Variants in DRC8 observed in about 807,000 individuals in gnomAD.
DRC8 encodes dynein regulatory complex protein 8.
the DRC8 span, chr1:245,122,134 C>T: frequency 4.1e-6 from 1 of 243,804 alleles, no homozygotes; most frequent in South Asian, 4.4e-5. Context: ...AACTCCTGAC[C>T]TCAAGTGATC....
chr1:245,014,592 G>A, the DRC8 span, among the ~76,000 whole-genome samples: 6 of 150,694 alleles, frequency 4.0e-5, no homozygotes, highest in Non-Finnish European at 5.9e-5. Context: ...TAACATTTAC[G>A]TGAAGTAATT....
chr1:245,083,692 A>G, the DRC8 span: 1 of 1,605,268 alleles, frequency 6.2e-7, no homozygotes, highest in East Asian at 2.2e-5. Flanking sequence ...GAAGAAGGTA[A>G]GTGTGATTTA....
At chr1:244,993,353 G>C in the DRC8 span, among the ~76,000 whole-genome samples, 1 of 152,130 alleles carries the variant, frequency 6.6e-6, no homozygotes, top group African/African-American at 2.4e-5. Flanking sequence ...ACTAGAATGG[G>C]CCTTCCGTCC....
chr1:245,001,996 G>A, the DRC8 span: 1 of 695,048 alleles, frequency 1.4e-6, no homozygotes, highest in Non-Finnish European at 2.5e-6. Flanking sequence ...TGAAAGCATG[G>A]TCCTTTCTCA....
At chr1:245,026,806 T>C in the DRC8 span, among the ~76,000 whole-genome samples, 1 of 152,152 alleles carries the variant, frequency 6.6e-6, no homozygotes, top group Admixed American at 6.5e-5. Flanking sequence ...ATATATACAC[T>C]TTAAATACAC....
the DRC8 span, among the ~76,000 whole-genome samples, chr1:245,002,946 A>G: frequency 1.3e-5 from 2 of 152,136 alleles, no homozygotes; most frequent in African/African-American, 2.4e-5. Flanking sequence ...CCATTAATCA[A>G]TAACTTCACA....
the DRC8 span, among the ~76,000 whole-genome samples, chr1:244,986,080 C>T: frequency 7.9e-5 from 12 of 151,708 alleles, no homozygotes; most frequent in Admixed American, 5.3e-4. Context: ...CTCAGCCTCC[C>T]GAGTAGCTGG....
At chr1:244,990,254 TGA>T in the DRC8 span, among the ~76,000 whole-genome samples, 18 of 152,390 alleles carry the variant, frequency 1.2e-4, no homozygotes, top group African/African-American at 4.3e-4. Context: ...TAAGATATTT[TGA>T]GAGAGGCCAT....
At chr1:245,045,411 A>G in the DRC8 span, among the ~76,000 whole-genome samples, 6 of 152,204 alleles carry the variant, frequency 3.9e-5, no homozygotes, top group Non-Finnish European at 8.8e-5. Flanking sequence ...TGAAGCAACA[A>G]AAGAACAAAA....
At chr1:245,048,071 G>A in the DRC8 span, among the ~76,000 whole-genome samples, 1 of 152,098 alleles carries the variant, frequency 6.6e-6, no homozygotes, top group Non-Finnish European at 1.5e-5. Context: ...TTCACATGGA[G>A]GAGGCTGAGG....
At chr1:245,056,628 C>T in the DRC8 span, among the ~76,000 whole-genome samples, 42 of 152,120 alleles carry the variant, frequency 2.8e-4, no homozygotes, top group Non-Finnish European at 4.7e-4. Context: ...AAAAAAGAAA[C>T]AGGTGTTGGA....
chr1:244,999,037 A>G, the DRC8 span, among the ~76,000 whole-genome samples: 2 of 147,358 alleles, frequency 1.4e-5, no homozygotes, highest in Non-Finnish European at 3.0e-5. Flanking sequence ...TCAAAAGACA[A>G]CGAATGTTTG....
At chr1:245,117,942 T>G in the DRC8 span, among the ~76,000 whole-genome samples, 1 of 152,130 alleles carries the variant, frequency 6.6e-6, no homozygotes, top group African/African-American at 2.4e-5. Flanking sequence ...CACTCCAGCC[T>G]GGGTGACAGA....
the DRC8 span, among the ~76,000 whole-genome samples, chr1:245,040,538 A>G: frequency 2.0e-5 from 3 of 152,326 alleles, no homozygotes; most frequent in South Asian, 6.2e-4. Context: ...TAGTCTCCTT[A>G]TTTTTAAAAT....
At chr1:244,976,501 T>G in the DRC8 span, among the ~76,000 whole-genome samples, 6 of 152,296 alleles carry the variant, frequency 3.9e-5, no homozygotes, top group South Asian at 1.2e-3. Context: ...AAAACTGGAC[T>G]GAAATTTGTT....
chr1:244,987,333 T>C, the DRC8 span, among the ~76,000 whole-genome samples: 6 of 152,152 alleles, frequency 3.9e-5, no homozygotes, highest in South Asian at 2.1e-4. Flanking sequence ...TCCGAGTAGC[T>C]GAGATTACAG....
At chr1:245,007,743 C>G in the DRC8 span, among the ~76,000 whole-genome samples, 2 of 147,934 alleles carry the variant, frequency 1.4e-5, no homozygotes, top group African/African-American at 4.9e-5. Context: ...ATGGGGAGCT[C>G]TCTATTGCTA....
chr1:245,005,131 A>G, the DRC8 span, among the ~76,000 whole-genome samples: 4 of 152,126 alleles, frequency 2.6e-5, no homozygotes, highest in African/African-American at 9.7e-5. Context: ...ATTTGGTCAT[A>G]GTGGATAATC....
At chr1:245,048,075 G>A in the DRC8 span, among the ~76,000 whole-genome samples, 1 of 152,056 alleles carries the variant, frequency 6.6e-6, no homozygotes, top group African/African-American at 2.4e-5. Flanking sequence ...CATGGAGGAG[G>A]CTGAGGAGGA....
Sources: allele counts gnomAD v4.1 joint callset (sites outside exome capture counted in the v4.1 genomes callset), GRCh38; gene constraint gnomAD v4.1.1; transcripts MANE v1.5; gene names NCBI Gene and HGNC (gene_info 2026-07-23, HGNC 2026-07-21).